The following ESR1 variants were observed in gnomAD, a reference collection of about 807,000 sequenced individuals.
ESR1 encodes estrogen receptor 1.
Under a neutral mutation model 52.7 loss-of-function variants are expected in ESR1, and 12 were observed. That is an observed-to-expected ratio of 0.23 (90% CI 0.15 to 0.37). ESR1 has a LOEUF of 0.37. ESR1 is among the 10% of genes least tolerant of loss of function. ESR1 has a pLI of 1.00. For synonymous variants in ESR1, 305 were observed against 316.8 expected (o/e 0.96, Z 0.39); for missense variants, 584 against 779.7 (o/e 0.75, Z 2.99).
At chr6:151,856,014 A>G (rs1223242803) in intron 2 of ESR1, among the ~76,000 whole-genome samples, 1 of 152,210 alleles carries the variant, frequency 6.6e-6, no homozygotes, top group African/African-American at 2.4e-5. Flanking sequence ...TGGGTTTAAA[A>G]AAACTATTTG....
chr6:151,699,045 T>C (rs1779580491), intron 1 of ESR1, among the ~76,000 whole-genome samples: 1 of 152,216 alleles, frequency 6.6e-6, no homozygotes, highest in Non-Finnish European at 1.5e-5. Context: ...TCGTGTTGCA[T>C]AAGCAGTATT....
Position 151,807,848 on chromosome 6 carries a change from C to G in ESR1, c.-65C>G. On this transcript the variant is annotated 5_prime_UTR_variant, in exon 1 of 8. Coordinates refer to ENST00000206249, the MANE Select transcript of ESR1 (RefSeq NM_000125.4). Reference sequence around the variant, plus strand: ...GGGCTGTGCTCTTTTTCCAGGTGGCCCGCCGGTTTCTGAGCCTTCTGCCCT... The same window carrying G: ...GGGCTGTGCTCTTTTTCCAGGTGGCGCGCCGGTTTCTGAGCCTTCTGCCCT... The G allele has an allele frequency of 6.9e-7, 1 of 1,451,794 alleles. No individual in the cohort carries two copies. Among genetic ancestry groups the G allele is most frequent in the Non-Finnish European group, 9.6e-7 (1 of 1,045,012 alleles). 89.9% of individuals were successfully genotyped at this position (1,451,794 alleles called of 1,614,324 possible). A position where few individuals can be genotyped will look rare whatever the true frequency, so the allele number is the denominator to read the frequency against.
intron 1 of ESR1, among the ~76,000 whole-genome samples, chr6:151,830,484 A>C (rs1782223463): frequency 6.6e-6 from 1 of 152,200 alleles, no homozygotes; most frequent in Non-Finnish European, 1.5e-5. Context: ...TTAAAAAAGA[A>C]GATGTGGTGT....
chr6:151,895,234 G>A (rs1424952110), intron 3 of ESR1, among the ~76,000 whole-genome samples: 1 of 150,172 alleles, frequency 6.7e-6, no homozygotes, highest in Non-Finnish European at 1.5e-5. Flanking sequence ...ACTGATTTGT[G>A]TACATTAATT....
intron 1 of ESR1, among the ~76,000 whole-genome samples, chr6:151,819,273 T>C (rs1780167273): frequency 6.6e-6 from 1 of 152,190 alleles, no homozygotes; most frequent in East Asian, 1.9e-4. Context: ...ATTTTAGTTG[T>C]AAATAGAGTT....
At chr6:151,792,075 C>G (rs902121534) in intron 2 of ESR1, among the ~76,000 whole-genome samples, 1 of 152,168 alleles carries the variant, frequency 6.6e-6, no homozygotes, top group Non-Finnish European at 1.5e-5. Flanking sequence ...TGCTCCTAGG[C>G]TATAAACCTG....
intron 4 of ESR1, among the ~76,000 whole-genome samples, chr6:151,966,706 T>A (rs910078805): frequency 1.3e-5 from 2 of 152,248 alleles, no homozygotes; most frequent in African/African-American, 4.8e-5. Flanking sequence ...TCTAAGAATC[T>A]ATTTTGCTAA....
Position 152,100,399 on chromosome 6 carries a change from T to A in ESR1, c.*1433T>A, listed in dbSNP as rs1264774207. The A allele has an allele frequency of 1.4e-5, 4 of 286,430 alleles. No individual in the cohort carries two copies. In the South Asian group the frequency reaches 6.7e-4, roughly 48 times the overall value. 17.7% of individuals were successfully genotyped at this position (286,430 alleles called of 1,614,324 possible). ...TCAGGGTTTGGTTTGGGGAAGAAAA[T>A]CCTCCCCCTTCCTCCCCCGCCCCGT... is the stretch of plus-strand genomic sequence containing the variant. On this transcript the variant is annotated 3_prime_UTR_variant, in exon 8 of 8. Transcript: ENST00000206249.
chr6:151,766,530 G>A (rs181019589), intron 2 of ESR1, among the ~76,000 whole-genome samples: 2 of 151,826 alleles, frequency 1.3e-5, no homozygotes, highest in South Asian at 2.1e-4. Context: ...AAAATCACAC[G>A]CCTCTTTTTT....
chr6:151,934,709 A>G (rs1333543866), intron 3 of ESR1, among the ~76,000 whole-genome samples: 1 of 152,224 alleles, frequency 6.6e-6, no homozygotes, highest in Non-Finnish European at 1.5e-5. Context: ...TAGGTAAATA[A>G]TTTCCAAAAA....
intron 1 of ESR1, among the ~76,000 whole-genome samples, chr6:151,691,438 C>T (rs1778933981): frequency 3.3e-5 from 5 of 152,170 alleles, no homozygotes. Context: ...CTGTAAGTTT[C>T]ATACTTTGTC....
intron 4 of ESR1, among the ~76,000 whole-genome samples, chr6:151,997,962 C>T (rs945278061): frequency 6.6e-6 from 1 of 152,202 alleles, no homozygotes; most frequent in African/African-American, 2.4e-5. Flanking sequence ...AGGGAAACCC[C>T]AGCTCTTCTT....
intron 3 of ESR1, among the ~76,000 whole-genome samples, chr6:151,914,793 G>A (rs145308276): frequency 9.7e-4 from 148 of 152,238 alleles, no homozygotes; most frequent in South Asian, 2.3e-3. Flanking sequence ...ACATAATACC[G>A]TAAGCACTCC....
intron 1 of ESR1, among the ~76,000 whole-genome samples, chr6:151,836,152 A>G (rs894220659): frequency 6.6e-6 from 1 of 152,242 alleles, no homozygotes; most frequent in Non-Finnish European, 1.5e-5. Context: ...AGTGTTTTGA[A>G]GAAATAATTG....
At chr6:151,710,821 T>C (rs1780547180) in intron 2 of ESR1, among the ~76,000 whole-genome samples, 1 of 152,068 alleles carries the variant, frequency 6.6e-6, no homozygotes, top group African/African-American at 2.4e-5. Context: ...TGTTCCTGTG[T>C]TAGTTTGCTG....
intron 2 of ESR1, among the ~76,000 whole-genome samples, chr6:151,789,889 C>T (rs1562407417): frequency 6.6e-6 from 1 of 152,144 alleles, no homozygotes. Flanking sequence ...AATTTCTACT[C>T]CCTACAAGGT....
intron 2 of ESR1, among the ~76,000 whole-genome samples, chr6:151,782,919 G>A (rs1206430818): frequency 6.6e-6 from 1 of 152,180 alleles, no homozygotes; most frequent in African/African-American, 2.4e-5. Flanking sequence ...AACCAGAAAT[G>A]TCTGACTTAC....
upstream of ESR1, among the ~76,000 whole-genome samples, chr6:151,806,030 G>A (rs975781302): frequency 2.0e-5 from 3 of 152,152 alleles, no homozygotes; most frequent in African/African-American, 2.4e-5. Flanking sequence ...AGAGCCCTAT[G>A]AAGTGCTTTT....
At chr6:152,009,114 C>T (rs1000615447) in intron 4 of ESR1, among the ~76,000 whole-genome samples, 1 of 152,208 alleles carries the variant, frequency 6.6e-6, no homozygotes, top group South Asian at 2.1e-4. Flanking sequence ...TCCCTTCCCC[C>T]ACCCCCTGGG....
Sources: gnomAD v4.1 joint callset for allele counts (sites outside exome capture counted in the v4.1 genomes callset) on GRCh38, gnomAD v4.1.1 for gene constraint, MANE v1.5 for transcripts, NCBI Gene and HGNC (gene_info 2026-07-23, HGNC 2026-07-21) for gene names.